ABCA13: variants seen among roughly 807,000 people sequenced by gnomAD.
The protein encoded by ABCA13 is ATP binding cassette subfamily A member 13.
A neutral mutation model predicts 478.7 loss-of-function variants in ABCA13; 476 were observed. The observed-to-expected ratio is 0.99, with a 90% CI of 0.92 to 1.07. ABCA13 has a LOEUF of 1.07. Among genes scored for constraint, ABCA13 ranks in the 50% least tolerant of loss-of-function variants. The pLI is 0.00. For missense variants in ABCA13, 6,060 were observed against 5,910.6 expected (o/e 1.03, Z -0.83); for synonymous variants, 2,252 against 2,158.9 (o/e 1.04, Z -1.20).
chr7:48,330,916 T>G (rs748430249), intron 27 of ABCA13, among the ~76,000 whole-genome samples: 13 of 152,224 alleles, frequency 8.5e-5, no homozygotes, highest in Non-Finnish European at 1.6e-4. Context: ...CGTGGGTTTT[T>G]CCCTTCCTGA....
chr7:48,382,428 G>T (rs192961279), intron 35 of ABCA13, among the ~76,000 whole-genome samples: 1 of 152,106 alleles, frequency 6.6e-6, no homozygotes, highest in African/African-American at 2.4e-5. Flanking sequence ...CTCTATTCCC[G>T]TTGTGCTGAT....
At chr7:48,536,176 C>T (rs1232449351) in intron 55 of ABCA13, among the ~76,000 whole-genome samples, 1 of 152,158 alleles carries the variant, frequency 6.6e-6, no homozygotes, top group Admixed American at 6.5e-5. Context: ...TTCTAATTCT[C>T]CTTATTGCTT....
At chr7:48,469,437 C>T (rs2130248924) in intron 44 of ABCA13, among the ~76,000 whole-genome samples, 1 of 152,322 alleles carries the variant, frequency 6.6e-6, no homozygotes, top group Non-Finnish European at 1.5e-5. Context: ...CAAATCTCAG[C>T]TCCACTCTTA....
At chr7:48,234,891 C>G (rs1274724889) in intron 8 of ABCA13, among the ~76,000 whole-genome samples, 1 of 152,204 alleles carries the variant, frequency 6.6e-6, no homozygotes, top group Non-Finnish European at 1.5e-5. Flanking sequence ...AGAGGACCCA[C>G]TCTCTTCCAT....
At position 48,273,775 on chromosome 7, in the gene ABCA13, G is replaced by C. The variant is rs771681037; in HGVS notation, c.4109G>C (p.Arg1370Thr). The change falls in exon 17 of 62, where the codon AGG (arginine) becomes ACG (threonine). Residue 1370 changes from arginine (R) to threonine (T), a missense_variant. Transcript: ENST00000435803. The stretch of plus-strand genomic sequence containing the variant: ...TTTTTATATGTAAATACCTCACAGA[G>C]GATGTTACGTATTCTAGACACGTTA... ...DGFLYVNTSQRMLRILDTLNS... is the reference protein window; with the variant it reads ...DGFLYVNTSQTMLRILDTLNS... The C allele has an allele frequency of 1.2e-6, 2 of 1,611,022 alleles. No homozygotes were observed. Among genetic ancestry groups the C allele is most frequent in the Admixed American group, 3.4e-5 (2 of 59,642 alleles).
rs147531639 is a variant in ABCA13, at chr7:48,318,925, A to G, written c.9999+1629A>G. Among the ~76,000 whole-genome samples the G allele has an allele frequency of 2.3e-3, 350 of 152,338 alleles. 1 individual carries two copies. The highest frequency in any genetic ancestry group is 8.0e-3 in the African/African-American group (332 of 41,566). ...ATATTATGATGTATTCTGCAGTATA[A>G]CAATTAGTGTGATGATCTCTGCTTT... On this transcript the variant is annotated intron_variant, in intron 27 of 61. Coordinates refer to ENST00000435803, the MANE Select transcript of ABCA13 (RefSeq NM_152701.5).
intron 43 of ABCA13, among the ~76,000 whole-genome samples, chr7:48,462,992 C>T (rs1292289246): frequency 6.6e-6 from 1 of 152,148 alleles, no homozygotes; most frequent in African/African-American, 2.4e-5. Context: ...TTTTCTTATA[C>T]ATCACTGTTT....
rs548227169 is a variant in ABCA13, at chr7:48,561,563, C to T, written c.14355-18661C>T. The stretch of plus-strand genomic sequence containing the variant: ...TATTTTTAGAAATGTGTTTCTTGCC[C>T]ATTACTTAATTAGATTATTGGTTTT... On this transcript the variant is annotated intron_variant, in intron 55 of 61. Coordinates refer to ENST00000435803, the MANE Select transcript of ABCA13 (RefSeq NM_152701.5). 3.9e-5 allele frequency among the ~76,000 whole-genome samples: 6 copies of T among 152,160 alleles called. No individual in the cohort carries two copies. The South Asian group carries it at 1.2e-3, about 32-fold the overall frequency.
intron 12 of ABCA13, 79 bp downstream of exon 12, chr7:48,245,691 C>A: frequency 6.7e-7 from 1 of 1,500,848 alleles, no homozygotes; most frequent in Non-Finnish European, 9.0e-7. Context: ...AGTTTTGCTC[C>A]TTTTGTGAAT....
At position 48,313,038 on chromosome 7, in the gene ABCA13, T is replaced by G. The variant is rs11979321; in HGVS notation, c.9517-29T>G. ...TAAAAATACAGTGTTGGTTATTTCA[T>G]GTTGTTTTGTTTTTGTTTTGTCCTT... On this transcript the variant is annotated intron_variant, in intron 24 of 61. Transcript: ENST00000435803. 3.4e-3 allele frequency: 5,193 copies of G among 1,519,430 alleles called. 158 individuals are homozygous for G. The African/African-American group carries it at 0.065, about 19-fold the overall frequency. 94.1% of individuals were successfully genotyped at this position (1,519,430 alleles called of 1,614,324 possible).
chr7:48,625,115 A>G (rs1178865352), intron 59 of ABCA13, among the ~76,000 whole-genome samples: 1 of 152,202 alleles, frequency 6.6e-6, no homozygotes, highest in African/African-American at 2.4e-5. Flanking sequence ...AAAAAAATGA[A>G]AGGAGGCAGA....
Position 48,614,085 on chromosome 7 carries a change from ATAT to A in ABCA13, c.14745-1195_14745-1193del, listed in dbSNP as rs778722925. On this transcript the variant is annotated intron_variant, in intron 58 of 61. Transcript: ENST00000435803. Reference sequence around the variant, plus strand: ...ATTTAATATTTATACTAACATATTAATATTATTTTATATTACACTAATTTTCAT... The same window carrying A: ...ATTTAATATTTATACTAACATATTAATATTTTATATTACACTAATTTTCAT... Among the ~76,000 whole-genome samples, 175 of 149,602 alleles carry A rather than the reference ATAT, an allele frequency of 1.2e-3. 4 individuals carry two copies. The highest frequency in any genetic ancestry group is 2.1e-3 in the Non-Finnish European group (139 of 67,282).
At chr7:48,239,481 C>A in intron 9 of ABCA13, 76 bp downstream of exon 9, 1 of 1,468,924 alleles carries the variant, frequency 6.8e-7, no homozygotes, top group East Asian at 2.3e-5. Flanking sequence ...CTCCCCTGCC[C>A]TGCCATGTTT....
intron 41 of ABCA13, among the ~76,000 whole-genome samples, chr7:48,413,740 A>G (rs1020512200): frequency 1.3e-5 from 2 of 152,202 alleles, no homozygotes; most frequent in African/African-American, 4.8e-5. Flanking sequence ...CTCCATCACA[A>G]GTTTTGTCTG....
intron 59 of ABCA13, among the ~76,000 whole-genome samples, chr7:48,636,973 T>G (rs987422764): frequency 1.3e-5 from 2 of 152,138 alleles, no homozygotes; most frequent in African/African-American, 4.8e-5. Context: ...TATTATTACA[T>G]TATTTATTTA....
chr7:48,631,482 T>G (rs979943478), intron 59 of ABCA13, among the ~76,000 whole-genome samples: 2 of 152,150 alleles, frequency 1.3e-5, no homozygotes, highest in Admixed American at 6.5e-5. Flanking sequence ...ATTTTATTTC[T>G]GGATTCTGTA....
chr7:48,197,745 G>A (rs1484524725), intron 2 of ABCA13, among the ~76,000 whole-genome samples: 1 of 152,016 alleles, frequency 6.6e-6, no homozygotes, highest in African/African-American at 2.4e-5. Flanking sequence ...CCTATTCAGT[G>A]TAGACAATTT....
intron 41 of ABCA13, among the ~76,000 whole-genome samples, chr7:48,419,500 G>A (rs1820451690): frequency 6.6e-6 from 1 of 152,098 alleles, no homozygotes. Flanking sequence ...AAAGTACAGA[G>A]GAGTTTCATC....
intron 43 of ABCA13, among the ~76,000 whole-genome samples, chr7:48,461,792 G>C (rs1194946730): frequency 6.6e-6 from 1 of 152,180 alleles, no homozygotes; most frequent in Non-Finnish European, 1.5e-5. Context: ...TGAACTCACA[G>C]ATGTTGGGTG....
Sources: allele counts gnomAD v4.1 joint callset (sites outside exome capture counted in the v4.1 genomes callset), GRCh38; gene constraint gnomAD v4.1.1; transcripts MANE v1.5; gene names NCBI Gene and HGNC (gene_info 2026-07-23, HGNC 2026-07-21).